DOCK10: variants seen among roughly 807,000 people sequenced by gnomAD.
DOCK10 encodes the protein dedicator of cytokinesis 10, also known as dedicator of cytokinesis protein 10.
In DOCK10, 145 loss-of-function variants were observed where a neutral mutation model predicts 280.1. That is an observed-to-expected ratio of 0.52 (90% CI 0.45 to 0.59). DOCK10 has a LOEUF of 0.59. Ranked by LOEUF, DOCK10 falls within the 20% of genes least tolerant of loss-of-function variation. DOCK10 has a pLI of 0.00. For synonymous variants in DOCK10, 915 were observed against 942.2 expected (o/e 0.97, Z 0.53); for missense variants, 2,368 against 2,651.7 (o/e 0.89, Z 2.35).
At chr2:224,799,651 C>G (rs1692834814) in intron 41 of DOCK10, among the ~76,000 whole-genome samples, 2 of 152,212 alleles carry the variant, frequency 1.3e-5, no homozygotes, top group South Asian at 4.1e-4. Flanking sequence ...AATAGGAGTT[C>G]TAGTTTCTCC....
At chr2:224,855,812 T>G (rs984141957) in intron 15 of DOCK10, among the ~76,000 whole-genome samples, 2 of 152,220 alleles carry the variant, frequency 1.3e-5, no homozygotes, top group Non-Finnish European at 2.9e-5. Context: ...GAATGTTCAA[T>G]TTTTAGGAAT....
chr2:224,862,732 T>C lies in DOCK10; in HGVS notation c.1617A>G (p.Ile539Met), dbSNP rs758031734. The stretch of plus-strand genomic sequence containing the variant: ...TGCAGAATTGTCTGTTGGATTTTAG[T>C]ATCTTTTGTGCATACTAAAGAAAAA... ...NPDSNKYAQK[I>M]LKSNRQFCSK... The change falls in exon 14 of 56, where the codon ATA becomes ATG. Residue 539 changes from isoleucine (I) to methionine (M), a missense_variant. By Grantham distance (10) the Ile-to-Met change is conservative. Coordinates refer to ENST00000258390, the MANE Select transcript of DOCK10 (RefSeq NM_014689.3). The C allele has an allele frequency of 1.2e-5, 20 of 1,608,712 alleles. No homozygotes were observed. The highest frequency in any genetic ancestry group is 1.6e-4 in the Middle Eastern group (1 of 6,068).
At chr2:224,914,015 G>A (rs935952857) in intron 3 of DOCK10, among the ~76,000 whole-genome samples, 5 of 152,144 alleles carry the variant, frequency 3.3e-5, no homozygotes, top group Non-Finnish European at 5.9e-5. Flanking sequence ...GGGATTACAG[G>A]CATGAGCCAC....
chr2:224,878,077 T>G (rs1323627146), intron 7 of DOCK10, among the ~76,000 whole-genome samples: 1 of 152,214 alleles, frequency 6.6e-6, no homozygotes, highest in Non-Finnish European at 1.5e-5. Context: ...TAACAAGGTA[T>G]AAAATTCTTT....
chr2:224,828,389 A>G (rs1695004609), intron 27 of DOCK10, among the ~76,000 whole-genome samples: 1 of 152,178 alleles, frequency 6.6e-6, no homozygotes. Context: ...GAATCTAGAG[A>G]TGGCCTACTT....
intron 7 of DOCK10, among the ~76,000 whole-genome samples, chr2:224,877,911 T>C (rs1453950295): frequency 6.6e-6 from 1 of 152,206 alleles, no homozygotes; most frequent in Non-Finnish European, 1.5e-5. Flanking sequence ...GCAATTCCTA[T>C]ACCGGTGTCC....
At chr2:224,869,693 G>A (rs1698146501) in intron 11 of DOCK10, among the ~76,000 whole-genome samples, 1 of 152,074 alleles carries the variant, frequency 6.6e-6, no homozygotes, top group African/African-American at 2.4e-5. Flanking sequence ...TTAACCCTTT[G>A]GCCTGACAGA....
intron 2 of DOCK10, among the ~76,000 whole-genome samples, chr2:224,925,417 C>T (rs1559780526): frequency 6.6e-6 from 1 of 152,128 alleles, no homozygotes. Flanking sequence ...CCTTTGAGTA[C>T]CCTGGGACAC....
intron 33 of DOCK10, 61 bp from the exon 34 acceptor site, chr2:224,806,298 C>T: frequency 1.1e-6 from 1 of 907,982 alleles, no homozygotes; most frequent in Non-Finnish European, 1.7e-6. Flanking sequence ...TGTTAACCCA[C>T]ATATGCCTTC....
chr2:225,019,086 T>C (rs1446375573), intron 1 of DOCK10, among the ~76,000 whole-genome samples: 1 of 152,104 alleles, frequency 6.6e-6, no homozygotes, highest in Admixed American at 6.6e-5. Context: ...TTTCTAAACC[T>C]TTATTTTTGA....
chr2:224,969,041 G>A (rs72974676), intron 1 of DOCK10, among the ~76,000 whole-genome samples: 7,065 of 152,258 alleles, frequency 0.046, 217 homozygotes, highest in Middle Eastern at 0.11. Context: ...TGTCTTCTGC[G>A]GAACCCCAGG....
At chr2:224,982,609 C>A in intron 1 of DOCK10, 1 of 744,828 alleles carries the variant, frequency 1.3e-6, no homozygotes, top group Non-Finnish European at 1.6e-6. Context: ...GAAAGTATTT[C>A]TCAATTCACA....
intron 1 of DOCK10, among the ~76,000 whole-genome samples, chr2:225,002,361 T>C (rs1410961057): frequency 6.6e-6 from 1 of 152,198 alleles, no homozygotes; most frequent in Non-Finnish European, 1.5e-5. Context: ...TATCATTTCT[T>C]CAAGTTTCCA....
intron 1 of DOCK10, among the ~76,000 whole-genome samples, chr2:225,023,182 C>T (rs1689828417): frequency 6.6e-6 from 1 of 151,874 alleles, no homozygotes; most frequent in African/African-American, 2.4e-5. Flanking sequence ...ATTACAGGCG[C>T]CCACCACCAC....
intron 7 of DOCK10, among the ~76,000 whole-genome samples, chr2:224,878,994 AT>A (rs1698811931): frequency 6.6e-6 from 1 of 152,262 alleles, no homozygotes; most frequent in African/African-American, 2.4e-5. Flanking sequence ...TAAGCAATTA[AT>A]CAGACAAATG....
chr2:224,924,759 C>A (rs1239461113), intron 2 of DOCK10, among the ~76,000 whole-genome samples: 1 of 152,204 alleles, frequency 6.6e-6, no homozygotes, highest in African/African-American at 2.4e-5. Context: ...AAATAAACAA[C>A]CAGAACTGTT....
intron 3 of DOCK10, among the ~76,000 whole-genome samples, chr2:224,909,807 T>TTTTTTTGTTTTTGTTTTTTGTTTTTTGAG (rs1553611074): frequency 6.6e-5 from 10 of 151,950 alleles, no homozygotes; most frequent in Non-Finnish European, 1.2e-4. Context: ...TGCAGTGTTT[T>TTTTTTTGTTTTTGTTTTTTGTTTTTTGAG]AATGGATGTG....
At chr2:224,959,005 T>C (rs1704211434) in intron 1 of DOCK10, among the ~76,000 whole-genome samples, 1 of 152,242 alleles carries the variant, frequency 6.6e-6, no homozygotes, top group Non-Finnish European at 1.5e-5. Flanking sequence ...ATCCGCTACC[T>C]AGACTGCATC....
At chr2:225,019,820 C>A (rs1689738218) in intron 1 of DOCK10, among the ~76,000 whole-genome samples, 2 of 152,156 alleles carry the variant, frequency 1.3e-5, no homozygotes. Flanking sequence ...CTACTGATTT[C>A]ATGATTCTTA....
Sources: allele counts gnomAD v4.1 joint callset (sites outside exome capture counted in the v4.1 genomes callset), GRCh38; gene constraint gnomAD v4.1.1; transcripts MANE v1.5; gene names NCBI Gene and HGNC (gene_info 2026-07-23, HGNC 2026-07-21).